NUBP1: variants seen among roughly 807,000 people sequenced by gnomAD.
NUBP1 encodes NUBP iron-sulfur cluster assembly factor 1, cytosolic, also known as cytosolic Fe-S cluster assembly factor NUBP1.
NUBP1 carries 46 observed loss-of-function variants against 41.8 expected under a neutral mutation model. The ratio of observed to expected loss-of-function variants is 1.10; its 90% CI spans 0.87 to 1.41. NUBP1 has a LOEUF of 1.41. Among genes scored for constraint, NUBP1 ranks in the 40% most tolerant of loss-of-function variants. The probability of loss-of-function intolerance (pLI) is 0.00; values close to 1 mark genes in which losing one functional copy is unlikely to be tolerated. For synonymous variants in NUBP1, 189 were observed against 154.6 expected, an observed-to-expected ratio of 1.22 and a Z score of -1.65; for missense variants, 494 against 414.0, an observed-to-expected ratio of 1.19 and a Z score of -1.68.
chr16:10,758,464 C>A (rs1900722711), intron 7 of NUBP1, among the ~76,000 whole-genome samples: 1 of 152,180 alleles, frequency 6.6e-6, no homozygotes, highest in South Asian at 2.1e-4. Context: ...GCGAGTGAGG[C>A]CTTGTCCCAA....
At position 10,767,036 on chromosome 16, in the gene NUBP1, C is replaced by T; in HGVS notation, c.821-913C>T. 2.5e-6 allele frequency: 1 copy of T among 398,746 alleles called. No homozygotes were observed. 24.7% of individuals were successfully genotyped at this position (398,746 alleles called of 1,614,324 possible). A position where few individuals can be genotyped will look rare whatever the true frequency, so the allele number is the denominator to read the frequency against. ...GACTTCCCTGTCCCACAGGGCGACA[C>T]AGTAGTGAAGTTGAGGAAATGATGA... On this transcript the variant is annotated intron_variant, in intron 9 of 10. Coordinates refer to ENST00000283027, the MANE Select transcript of NUBP1 (RefSeq NM_002484.4). This position sits in a 1 kb window ranked among gnomAD's most constrained non-coding sequence, Gnocchi z 4.6.
chr16:10,744,914 C>T (rs1485807952), intron 2 of NUBP1, among the ~76,000 whole-genome samples: 1 of 151,862 alleles, frequency 6.6e-6, no homozygotes, highest in African/African-American at 2.4e-5. Flanking sequence ...CCTGCCACCA[C>T]GGCTGGCTAA....
Position 10,762,492 on chromosome 16 carries a change from G to A in NUBP1, c.820+633G>A, listed in dbSNP as rs144549027. Among the ~76,000 whole-genome samples, 221 of 152,344 alleles carry A rather than the reference G, an allele frequency of 1.5e-3. 1 individual carries two copies. The highest frequency in any genetic ancestry group is 4.7e-3 in the African/African-American group (194 of 41,578). Reference sequence around the variant, plus strand: ...GGGCGCCCACTCGCCGCGGGGCGCTGGGCAGGGCCTACACTCGAAGCTGCT... The same window carrying A: ...GGGCGCCCACTCGCCGCGGGGCGCTAGGCAGGGCCTACACTCGAAGCTGCT... On this transcript the variant is annotated intron_variant, in intron 9 of 10. Coordinates refer to ENST00000283027, the MANE Select transcript of NUBP1 (RefSeq NM_002484.4).
intron 2 of NUBP1, among the ~76,000 whole-genome samples, chr16:10,746,226 T>C (rs950667970): frequency 1.3e-5 from 2 of 152,244 alleles, no homozygotes; most frequent in African/African-American, 2.4e-5. Context: ...TAATTTCCTT[T>C]ATACCTCGTG....
chr16:10,765,451 T>A lies in NUBP1; in HGVS notation c.821-2498T>A, dbSNP rs1216703527. 2.0e-5 allele frequency among the ~76,000 whole-genome samples: 3 copies of A among 151,860 alleles called. No homozygotes were observed. The highest frequency in any genetic ancestry group is 3.9e-4 in the East Asian group (2 of 5,170). On this transcript the variant is annotated intron_variant, in intron 9 of 10. Transcript: ENST00000283027. The surrounding 1 kb of genome is among the most constrained non-coding windows in gnomAD (Gnocchi z 4.0). ...GAGCCCAGGGAGGTTGAGGTTGCAG[T>A]GAGCCATGATCACACCACTGCACTC...
chr16:10,767,943 T>C lies in NUBP1; in HGVS notation c.821-6T>C, dbSNP rs913127148. The C allele has an allele frequency of 1.9e-6, 3 of 1,614,060 alleles. No individual in the cohort carries two copies. The highest frequency in any genetic ancestry group is 2.5e-6 in the Non-Finnish European group (3 of 1,179,920). ...TGAATTGTCTTCCGTTTGTTTCTTT[T>C]TTAAGGTAAGAATTGTGACAAAGGC... On this transcript the variant is annotated splice_polypyrimidine_tract_variant and splice_region_variant and intron_variant, in intron 9 of 10. Coordinates refer to ENST00000283027, the MANE Select transcript of NUBP1 (RefSeq NM_002484.4). The surrounding 1 kb of genome is among the most constrained non-coding windows in gnomAD (Gnocchi z 4.6).
intron 5 of NUBP1, among the ~76,000 whole-genome samples, chr16:10,756,369 C>T (rs1054180407): frequency 6.7e-6 from 1 of 150,364 alleles, no homozygotes; most frequent in Non-Finnish European, 1.5e-5. Flanking sequence ...CAGAGCCAGA[C>T]TTCATCTCAA....
At position 10,761,737 on chromosome 16, in the gene NUBP1, C is replaced by T. The variant is rs199557719; in HGVS notation, c.718-20C>T. ...TCTGCAAAAAAATTATGTTTCCTCC[C>T]CTTTGAATTTGCCTTGCAGAAAGAA... On this transcript the variant is annotated intron_variant, in intron 8 of 10. Transcript: ENST00000283027. The T allele has an allele frequency of 6.3e-7, 1 of 1,592,884 alleles. No homozygotes were observed.
intron 2 of NUBP1, among the ~76,000 whole-genome samples, chr16:10,746,428 A>G (rs756719340): frequency 5.3e-5 from 8 of 152,146 alleles, no homozygotes; most frequent in African/African-American, 1.2e-4. Context: ...TGCCAGCAGT[A>G]CCTCTCCTGT....
Position 10,749,088 on chromosome 16 carries a change from T to TA in NUBP1, c.258+1824dup, listed in dbSNP as rs1186301797. On this transcript the variant is annotated intron_variant, in intron 3 of 10. Transcript: ENST00000283027. The surrounding 1 kb of genome is among the most constrained non-coding windows in gnomAD (Gnocchi z 4.1). ...CCTGGGTGACAGACAAGACTCCATT[T>TA]AAAAAAAAAAAAGGATATAGATAGA... Among the ~76,000 whole-genome samples, 85 of 133,238 alleles carry TA rather than the reference T, an allele frequency of 6.4e-4. 1 individual carries two copies. Among genetic ancestry groups the TA allele is most frequent in the Middle Eastern group, 3.8e-3 (1 of 260 alleles). The allele number at this position is 133,238 out of a possible 152,430, so 87.4% of individuals were successfully genotyped here. A position where few individuals can be genotyped will look rare whatever the true frequency, so the allele number is the denominator to read the frequency against.
Position 10,768,071 on chromosome 16 carries a change from G to T in NUBP1, c.904+39G>T. 1 of 1,594,418 alleles carries T rather than the reference G, an allele frequency of 6.3e-7. No homozygotes were observed. Among genetic ancestry groups the T allele is most frequent in the African/African-American group, 1.3e-5 (1 of 74,582 alleles). On this transcript the variant is annotated intron_variant, in intron 10 of 10. Transcript: ENST00000283027. The surrounding 1 kb of genome is among the most constrained non-coding windows in gnomAD (Gnocchi z 4.3). ...TGAGTACTAAATGCAGATGCCTGTG[G>T]GGCAGGAAGCAACATAAAGGAGCCA...
chr16:10,766,379 T>C lies in NUBP1; in HGVS notation c.821-1570T>C, dbSNP rs1189767110. Among the ~76,000 whole-genome samples, 1 of 152,116 alleles carries C rather than the reference T, an allele frequency of 6.6e-6. No individual in the cohort carries two copies. Among genetic ancestry groups the C allele is most frequent in the African/African-American group, 2.4e-5 (1 of 41,414 alleles). ...GCTGTTCTGATAATGCTGCCCGTTC[T>C]TGGAGAGGTGGGAGCCCAGGGGGAA... On this transcript the variant is annotated intron_variant, in intron 9 of 10. Coordinates refer to ENST00000283027, the MANE Select transcript of NUBP1 (RefSeq NM_002484.4). The surrounding 1 kb of genome is among the most constrained non-coding windows in gnomAD (Gnocchi z 4.8).
rs1337952651 is a variant in NUBP1 at position 10,757,914 on chromosome 16, G to A, written c.493G>A (p.Val165Ile). ...CCTCCGAGATGTGGACTGGGGAGAG[G>A]TCGACTACCTCATTGTGGACACCCC... ...QFLRDVDWGE[V>I]DYLIVDTPPG... Residue 165 changes from valine to isoleucine, a missense_variant, in exon 7 of 11, where the codon GTC (valine) becomes ATC (isoleucine). Transcript: ENST00000283027. This position sits in a 1 kb window ranked among gnomAD's most constrained non-coding sequence, Gnocchi z 4.1. 1.2e-6 allele frequency: 2 copies of A among 1,613,946 alleles called. No individual in the cohort carries two copies. The highest frequency in any genetic ancestry group is 1.7e-5 in the Admixed American group (1 of 59,984).
At chr16:10,763,516 C>G (rs2030345043) in intron 9 of NUBP1, 1 of 152,262 alleles carries the variant, frequency 6.6e-6, no homozygotes, top group Non-Finnish European at 1.5e-5. Context: ...CAGAAAAGTA[C>G]AGCTGCTTTC....
Position 10,768,589 on chromosome 16 carries a change from A to G in NUBP1, c.905-458A>G, listed in dbSNP as rs1051781812. On this transcript the variant is annotated intron_variant, in intron 10 of 10. Coordinates refer to ENST00000283027, the MANE Select transcript of NUBP1 (RefSeq NM_002484.4). The surrounding 1 kb of genome is among the most constrained non-coding windows in gnomAD (Gnocchi z 4.3). ...GCCACTGCACTCCAGCCTGGGCAAC[A>G]GCGTGAGACCGTGTCTCAAAAAAAT... 6 of 156,842 alleles carry G rather than the reference A, an allele frequency of 3.8e-5. No individual in the cohort carries two copies. Among genetic ancestry groups the G allele is most frequent in the Non-Finnish European group, 7.0e-5 (5 of 71,282 alleles). The allele number at this position is 156,842 out of a possible 1,614,324, so 9.7% of individuals were successfully genotyped here. A position where few individuals can be genotyped will look rare whatever the true frequency, so the allele number is the denominator to read the frequency against.
chr16:10,765,825 C>T lies in NUBP1; in HGVS notation c.821-2124C>T, dbSNP rs990135947. Among the ~76,000 whole-genome samples the T allele has an allele frequency of 6.6e-6, 1 of 152,222 alleles. No individual in the cohort carries two copies. The highest frequency in any genetic ancestry group is 2.4e-5 in the African/African-American group (1 of 41,464). On this transcript the variant is annotated intron_variant, in intron 9 of 10. Coordinates refer to ENST00000283027, the MANE Select transcript of NUBP1 (RefSeq NM_002484.4). The surrounding 1 kb of genome is among the most constrained non-coding windows in gnomAD (Gnocchi z 4.0). ...TGCGAGGCTCATTCTGAGCTGAGAA[C>T]ATTAAGTGCCTTCTAGTGGGCATGG...
intron 3 of NUBP1, among the ~76,000 whole-genome samples, chr16:10,748,739 A>G (rs190220743): frequency 9.3e-4 from 141 of 152,340 alleles, no homozygotes; most frequent in African/African-American, 2.9e-3. Context: ...TGATGATTAC[A>G]TCTGCCTTAG....
At position 10,768,369 on chromosome 16, in the gene NUBP1, G is replaced by A; in HGVS notation, c.904+337G>A. ...TGGAATCCCAGCACTTTGGGTGAAGGAGGCAGGCAGATCACTTGAGGCTGG... is the reference window on the plus strand; with the variant it reads ...TGGAATCCCAGCACTTTGGGTGAAGAAGGCAGGCAGATCACTTGAGGCTGG... On this transcript the variant is annotated intron_variant, in intron 10 of 10. Coordinates refer to ENST00000283027, the MANE Select transcript of NUBP1 (RefSeq NM_002484.4). The surrounding 1 kb of genome is among the most constrained non-coding windows in gnomAD (Gnocchi z 4.3). 1 of 181,412 alleles carries A rather than the reference G, an allele frequency of 5.5e-6. No homozygotes were observed. Among genetic ancestry groups the A allele is most frequent in the South Asian group, 1.2e-4 (1 of 8,358 alleles). 11.2% of individuals were successfully genotyped at this position (181,412 alleles called of 1,614,324 possible).
chr16:10,744,041 G>A lies in NUBP1; in HGVS notation c.100G>A (p.Gly34Arg), dbSNP rs1334831392. The A allele has an allele frequency of 1.3e-6, 2 of 1,583,496 alleles. No individual in the cohort carries two copies. Among genetic ancestry groups the A allele is most frequent in the African/African-American group, 1.4e-5 (1 of 73,220 alleles). ...GCPNQRLCAS[G>R]AGATPDTAIE... Reference sequence around the variant, plus strand: ...CCCCAACCAGCGGCTGTGCGCTTCTGGAGCGGGGGCCACTCCGGACACGGG... The same window carrying A: ...CCCCAACCAGCGGCTGTGCGCTTCTAGAGCGGGGGCCACTCCGGACACGGG... Residue 34 changes from glycine to arginine, a missense_variant, in exon 2 of 11, where the codon GGA (glycine) becomes AGA (arginine). By Grantham distance (125) the Gly-to-Arg change is moderately radical (BLOSUM62 -2). Transcript: ENST00000283027.
Sources: allele counts gnomAD v4.1 joint callset (sites outside exome capture counted in the v4.1 genomes callset), GRCh38; gene constraint gnomAD v4.1.1; non-coding constraint Gnocchi (gnomAD v3.1); transcripts MANE v1.5; gene names NCBI Gene and HGNC (gene_info 2026-07-23, HGNC 2026-07-21).